The following HMCN1 variants were observed in gnomAD, a reference collection of about 807,000 sequenced individuals.
The protein encoded by HMCN1 is hemicentin-1.
Under a neutral mutation model 625.9 loss-of-function variants are expected in HMCN1, and 321 were observed. The ratio of observed to expected loss-of-function variants is 0.51; its 90% CI spans 0.47 to 0.56. The LOEUF is 0.56. HMCN1 is among the 20% of genes least tolerant of loss of function. HMCN1 has a pLI of 0.00. For synonymous variants in HMCN1, 2,425 were observed against 2,417.6 expected, an observed-to-expected ratio of 1.00 and a Z score of -0.09; for missense variants, 6,588 against 6,887.3, an observed-to-expected ratio of 0.96 and a Z score of 1.54.
intron 36 of HMCN1, among the ~76,000 whole-genome samples, chr1:186,035,432 T>C (rs1655754805): frequency 6.6e-6 from 1 of 152,170 alleles, no homozygotes; most frequent in Non-Finnish European, 1.5e-5. Flanking sequence ...TGTTTTCTGC[T>C]TTTATTTTTA....
intron 1 of HMCN1, among the ~76,000 whole-genome samples, chr1:185,843,313 GTACGTCGGCAGGAGAA>G (rs1355193432): frequency 1.2e-4 from 19 of 152,182 alleles, no homozygotes; most frequent in Non-Finnish European, 2.8e-4. Flanking sequence ...AGACTGACAG[GTACGTCGGCAGGAGAA>G]AGAAAAGGGG....
At chr1:186,033,667 TA>T (rs755885380) in intron 36 of HMCN1, among the ~76,000 whole-genome samples, 6 of 152,182 alleles carry the variant, frequency 3.9e-5, no homozygotes, top group Non-Finnish European at 8.8e-5. Flanking sequence ...CAATTGTATT[TA>T]AAATAGCTGA....
intron 4 of HMCN1, among the ~76,000 whole-genome samples, chr1:185,902,618 TA>T (rs1370483146): frequency 6.6e-6 from 1 of 151,556 alleles, no homozygotes; most frequent in Non-Finnish European, 1.5e-5. Context: ...GGTAAATAAA[TA>T]AAGGGTATGA....
chr1:186,188,152 C>A, intron 106 of HMCN1, 143 bp downstream of exon 106: 1 of 1,004,640 alleles, frequency 1.0e-6, no homozygotes. Context: ...AGTAAGTATT[C>A]TCTTCAATGA....
At chr1:186,163,765 G>C (rs1224358859) in intron 97 of HMCN1, among the ~76,000 whole-genome samples, 1 of 152,068 alleles carries the variant, frequency 6.6e-6, no homozygotes, top group African/African-American at 2.4e-5. Context: ...TCATCATCTT[G>C]CAAGACTGTC....
intron 55 of HMCN1, among the ~76,000 whole-genome samples, chr1:186,079,054 T>G (rs943740545): frequency 2.0e-5 from 3 of 152,200 alleles, no homozygotes; most frequent in Non-Finnish European, 4.4e-5. Flanking sequence ...ACGCCATATG[T>G]CCTGCCTAGG....
chr1:186,063,444 G>C (rs1324168624), intron 48 of HMCN1, among the ~76,000 whole-genome samples: 1 of 132,412 alleles, frequency 7.6e-6, no homozygotes, highest in African/African-American at 2.9e-5. Context: ...GGGAGGGACG[G>C]AGAGAGAAGG....
At chr1:186,033,488 TGTATA>T (rs565492106) in intron 36 of HMCN1, among the ~76,000 whole-genome samples, 13 of 152,308 alleles carry the variant, frequency 8.5e-5, no homozygotes, top group Admixed American at 3.3e-4. Flanking sequence ...CACATCCTCT[TGTATA>T]GTTTAATATC....
At chr1:186,117,666 T>A in intron 77 of HMCN1, 43 bp downstream of exon 77, 1 of 1,562,030 alleles carries the variant, frequency 6.4e-7, no homozygotes, top group African/African-American at 1.4e-5. Flanking sequence ...GATTGTATTA[T>A]TTATTGATGC....
At chr1:186,150,915 T>C (rs910286954) in intron 93 of HMCN1, among the ~76,000 whole-genome samples, 3 of 151,956 alleles carry the variant, frequency 2.0e-5, no homozygotes, top group Non-Finnish European at 4.4e-5. Flanking sequence ...TTATTTTTAG[T>C]TTGGGGACTG....
At chr1:185,871,897 G>A (rs1246943625) in intron 4 of HMCN1, among the ~76,000 whole-genome samples, 3 of 152,198 alleles carry the variant, frequency 2.0e-5, no homozygotes, top group Non-Finnish European at 4.4e-5. Flanking sequence ...GTTTTGGACA[G>A]TTAGTGCTCT....
chr1:185,950,219 C>T (rs949560962), intron 11 of HMCN1, among the ~76,000 whole-genome samples: 1 of 150,972 alleles, frequency 6.6e-6, no homozygotes, highest in African/African-American at 2.5e-5. Context: ...GGAGACTCAA[C>T]AAAGAGTGAG....
intron 1 of HMCN1, among the ~76,000 whole-genome samples, chr1:185,769,985 C>A (rs1211532622): frequency 6.6e-6 from 1 of 152,148 alleles, no homozygotes; most frequent in Non-Finnish European, 1.5e-5. Context: ...GTAACATGAC[C>A]AGTCCAGAGT....
chr1:185,947,319 G>A (rs893514248), intron 11 of HMCN1, among the ~76,000 whole-genome samples: 1 of 152,036 alleles, frequency 6.6e-6, no homozygotes, highest in African/African-American at 2.4e-5. Flanking sequence ...AATATGGCTA[G>A]TGTACCCAAG....
intron 6 of HMCN1, 99 bp downstream of exon 6, chr1:185,911,879 T>C: frequency 2.3e-6 from 2 of 879,036 alleles, no homozygotes; most frequent in Non-Finnish European, 3.8e-6. Context: ...ACTCTTGCTA[T>C]CATGGAGAGT....
At chr1:185,826,585 A>AC (rs1660525490) in intron 1 of HMCN1, among the ~76,000 whole-genome samples, 1 of 152,122 alleles carries the variant, frequency 6.6e-6, no homozygotes, top group Non-Finnish European at 1.5e-5. Flanking sequence ...ACTTTCTCAG[A>AC]CCCAGTTGGT....
intron 2 of HMCN1, among the ~76,000 whole-genome samples, chr1:185,861,641 C>T (rs906971967): frequency 6.6e-6 from 1 of 152,082 alleles, no homozygotes; most frequent in African/African-American, 2.4e-5. Flanking sequence ...TGTCTATTTC[C>T]CACTTTCCTA....
intron 71 of HMCN1, among the ~76,000 whole-genome samples, chr1:186,110,178 A>G (rs1260649544): frequency 6.6e-6 from 1 of 152,212 alleles, no homozygotes; most frequent in East Asian, 1.9e-4. Context: ...TTCATGGTCC[A>G]TATTTACTTT....
intron 8 of HMCN1, among the ~76,000 whole-genome samples, chr1:185,924,607 C>T (rs1571566292): frequency 6.6e-6 from 1 of 151,956 alleles, no homozygotes; most frequent in Non-Finnish European, 1.5e-5. Context: ...TTTGGCTTAG[C>T]CCCTAATTTG....
Sources: gnomAD v4.1 joint callset for allele counts (sites outside exome capture counted in the v4.1 genomes callset) on GRCh38, gnomAD v4.1.1 for gene constraint, MANE v1.5 for transcripts, NCBI Gene and HGNC (gene_info 2026-07-23, HGNC 2026-07-21) for gene names.